The following NTRK2 variants were observed in gnomAD, a reference collection of about 807,000 sequenced individuals.
NTRK2 encodes the protein neurotrophic receptor tyrosine kinase 2.
In NTRK2, 13 loss-of-function variants were observed where a neutral mutation model predicts 94.5. The observed-to-expected ratio is 0.14, with a 90% CI of 0.09 to 0.22. The LOEUF is 0.22. NTRK2 is among the 10% of genes least tolerant of loss of function. The probability of loss-of-function intolerance (pLI) is 1.00; values close to 1 mark genes in which losing one functional copy is unlikely to be tolerated. For synonymous variants in NTRK2, 372 were observed against 407.4 expected, an observed-to-expected ratio of 0.91 and a Z score of 1.05; for missense variants, 639 against 1,071.2, an observed-to-expected ratio of 0.60 and a Z score of 5.63.
chr9:84,823,670 T>C lies in NTRK2; in HGVS notation c.1397-37370T>C, dbSNP rs144436345. 1.4e-4 allele frequency among the ~76,000 whole-genome samples: 22 copies of C among 152,312 alleles called. No individual in the cohort carries two copies. In the East Asian group the frequency reaches 4.2e-3, roughly 29 times the overall value. ...ATGTTGGCGTGCAGGAATGAAAGCC[T>C]AGCGTACCCAAATCTTCTGATTTTT... On this transcript the variant is annotated intron_variant, in intron 12 of 18. Coordinates refer to ENST00000277120, the MANE Select transcript of NTRK2 (RefSeq NM_006180.6).
chr9:84,886,562 A>T (rs1419719695), intron 14 of NTRK2, among the ~76,000 whole-genome samples: 2 of 152,184 alleles, frequency 1.3e-5, no homozygotes, highest in Admixed American at 1.3e-4. Flanking sequence ...TGTCTTAGCG[A>T]CACAGGCACA....
chr9:84,998,013 C>T (rs1460514990), intron 17 of NTRK2, among the ~76,000 whole-genome samples: 1 of 152,202 alleles, frequency 6.6e-6, no homozygotes, highest in Non-Finnish European at 1.5e-5. Context: ...CCTTACATAC[C>T]TCTCACCTCT....
In NTRK2 at chr9:84,770,153, A is replaced by AACACACACACACACACAC. The variant is rs35363257; in HGVS notation, c.1396+18092_1396+18109dup. Among the ~76,000 whole-genome samples, 387 of 137,024 alleles carry AACACACACACACACACAC rather than the reference A, an allele frequency of 2.8e-3. 3 individuals carry two copies. The highest frequency in any genetic ancestry group is 9.9e-3 in the African/African-American group (355 of 35,880). The allele number at this position is 137,024 out of a possible 152,430, so 89.9% of individuals were successfully genotyped here. A position where few individuals can be genotyped will look rare whatever the true frequency, so the allele number is the denominator to read the frequency against. On this transcript the variant is annotated intron_variant, in intron 12 of 18. Coordinates refer to ENST00000277120, the MANE Select transcript of NTRK2 (RefSeq NM_006180.6). ...TCCCCACTCCTGGCATGTGCATGAGAACACACACACACACACACACACACA... is the reference window on the plus strand; with the variant it reads ...TCCCCACTCCTGGCATGTGCATGAGAACACACACACACACACACACACACACACACACACACACACACA...
At chr9:84,857,790 C>T (rs939261578) in intron 12 of NTRK2, among the ~76,000 whole-genome samples, 43 of 152,204 alleles carry the variant, frequency 2.8e-4, no homozygotes, top group African/African-American at 7.9e-4. Flanking sequence ...AAATGAGAAA[C>T]GAATCCTAGG....
At chr9:84,697,545 G>T (rs1340558097) in intron 2 of NTRK2, among the ~76,000 whole-genome samples, 1 of 152,214 alleles carries the variant, frequency 6.6e-6, no homozygotes, top group African/African-American at 2.4e-5. Context: ...GTGGGGAGTG[G>T]TTTTCTGGGA....
At chr9:84,987,287 A>G (rs1353608688) in intron 17 of NTRK2, among the ~76,000 whole-genome samples, 1 of 152,216 alleles carries the variant, frequency 6.6e-6, no homozygotes, top group Non-Finnish European at 1.5e-5. Flanking sequence ...TAGTGAGTAC[A>G]TTTGAATGAC....
intron 12 of NTRK2, among the ~76,000 whole-genome samples, chr9:84,776,213 G>A (rs4242629): frequency 0.67 from 101,639 of 151,756 alleles, 34,556 homozygotes; most frequent in East Asian, 0.73. Flanking sequence ...TAAAAGCTTT[G>A]TTATTTATTT....
At chr9:84,725,845 T>C (rs2062413713) in intron 8 of NTRK2, among the ~76,000 whole-genome samples, 1 of 152,122 alleles carries the variant, frequency 6.6e-6, no homozygotes, top group South Asian at 2.1e-4. Flanking sequence ...TTTAGTAATA[T>C]CACATTTCTC....
At chr9:84,696,603 C>G (rs1282345558) in intron 2 of NTRK2, among the ~76,000 whole-genome samples, 1 of 152,106 alleles carries the variant, frequency 6.6e-6, no homozygotes, top group African/African-American at 2.4e-5. Context: ...GAGGAGCTAG[C>G]AATTCAGTTA....
At chr9:84,720,844 CAG>C (rs746639484) in intron 6 of NTRK2, among the ~76,000 whole-genome samples, 2 of 151,956 alleles carry the variant, frequency 1.3e-5, no homozygotes, top group East Asian at 3.9e-4. Context: ...AAAAAATTGA[CAG>C]AGGAATGAAC....
intron 12 of NTRK2, among the ~76,000 whole-genome samples, chr9:84,794,922 T>C (rs2133260855): frequency 6.6e-6 from 1 of 152,238 alleles, no homozygotes; most frequent in East Asian, 1.9e-4. Flanking sequence ...CACAATCTCA[T>C]CAAAGCTGTG....
chr9:85,004,064 GA>G (rs1830674325), intron 17 of NTRK2, among the ~76,000 whole-genome samples: 1 of 33,886 alleles, frequency 3.0e-5, no homozygotes, highest in Non-Finnish European at 7.0e-5. Context: ...AGAAAGAAAG[GA>G]GAGAGAGAGA....
chr9:84,829,261 A>T (rs1337244671), intron 12 of NTRK2, among the ~76,000 whole-genome samples: 1 of 152,188 alleles, frequency 6.6e-6, no homozygotes, highest in Non-Finnish European at 1.5e-5. Flanking sequence ...GGCCTCCCAA[A>T]ATGCTGGGAT....
At chr9:84,962,876 T>C (rs1825120981) in intron 17 of NTRK2, among the ~76,000 whole-genome samples, 1 of 152,220 alleles carries the variant, frequency 6.6e-6, no homozygotes, top group Non-Finnish European at 1.5e-5. Context: ...TCTACCCTTA[T>C]GATCATATCA....
intron 5 of NTRK2, among the ~76,000 whole-genome samples, chr9:84,708,788 A>G (rs1218021766): frequency 1.3e-5 from 2 of 152,248 alleles, no homozygotes; most frequent in African/African-American, 2.4e-5. Context: ...ACAACAAGTT[A>G]ATAGGTGTAA....
chr9:84,924,228 GTAGAAAGAAAGAAAGA>G (rs1564468597), intron 14 of NTRK2, among the ~76,000 whole-genome samples: 1 of 92,426 alleles, frequency 1.1e-5, no homozygotes, highest in Non-Finnish European at 2.3e-5. Context: ...AAGAAAGAAA[GTAGAAAGAAAGAAAGA>G]AAGAAAGAAA....
intron 12 of NTRK2, among the ~76,000 whole-genome samples, chr9:84,818,271 C>G (rs547170447): frequency 1.3e-5 from 2 of 152,262 alleles, no homozygotes; most frequent in African/African-American, 4.8e-5. Flanking sequence ...GAACTGGATT[C>G]TTGAACTGGG....
chr9:84,873,264 T>C (rs941130803), intron 14 of NTRK2: 1 of 1,059,790 alleles, frequency 9.4e-7, no homozygotes, highest in Non-Finnish European at 1.1e-6. Context: ...GGCCAAATAA[T>C]GGCTGCTTTG....
At chr9:84,920,882 A>G (rs1010920280) in intron 14 of NTRK2, among the ~76,000 whole-genome samples, 1 of 152,244 alleles carries the variant, frequency 6.6e-6, no homozygotes, top group African/African-American at 2.4e-5. Context: ...CAACTTCAGC[A>G]TAAATTCCAG....
Sources: allele counts gnomAD v4.1 joint callset (sites outside exome capture counted in the v4.1 genomes callset), GRCh38; gene constraint gnomAD v4.1.1; transcripts MANE v1.5; gene names NCBI Gene and HGNC (gene_info 2026-07-23, HGNC 2026-07-21).